Variants in GNG12 observed in about 807,000 individuals in gnomAD.
GNG12 encodes guanine nucleotide-binding protein G(I)/G(S)/G(O) subunit gamma-12.
For missense variants in GNG12, 69 were observed against 83.8 expected, an observed-to-expected ratio of 0.82 and a Z score of 0.69; for synonymous variants, 28 against 29.7, an observed-to-expected ratio of 0.94 and a Z score of 0.19.
chr1:67,775,686 G>A (rs2100760910), intron 2 of GNG12, among the ~76,000 whole-genome samples: 1 of 152,338 alleles, frequency 6.6e-6, no homozygotes, highest in Non-Finnish European at 1.5e-5. Context: ...TAAGAAGCTG[G>A]GAAGTGAGTA....
intron 2 of GNG12, among the ~76,000 whole-genome samples, chr1:67,746,295 A>G (rs1057101045): frequency 3.3e-5 from 5 of 152,224 alleles, no homozygotes; most frequent in African/African-American, 1.2e-4. Context: ...AGGCATAGTT[A>G]AGTTGATTCC....
intron 1 of GNG12, among the ~76,000 whole-genome samples, chr1:67,806,140 AAAG>A: frequency 6.6e-6 from 1 of 152,290 alleles, no homozygotes; most frequent in South Asian, 2.1e-4. Flanking sequence ...AGAAATGTTA[AAAG>A]AAGTTCTTCA....
At chr1:67,746,195 C>T (rs1445658043) in intron 2 of GNG12, among the ~76,000 whole-genome samples, 1 of 152,144 alleles carries the variant, frequency 6.6e-6, no homozygotes, top group Admixed American at 6.5e-5. Flanking sequence ...AGCAGGTCCA[C>T]AGACTTTCTA....
chr1:67,793,829 G>C (rs1369435365), intron 1 of GNG12, among the ~76,000 whole-genome samples: 1 of 152,158 alleles, frequency 6.6e-6, no homozygotes, highest in Non-Finnish European at 1.5e-5. Flanking sequence ...TCACTTTGTT[G>C]GGGAAGTATT....
intron 1 of GNG12, among the ~76,000 whole-genome samples, chr1:67,815,788 T>C (rs1480439622): frequency 6.6e-6 from 1 of 152,028 alleles, no homozygotes; most frequent in Admixed American, 6.5e-5. Flanking sequence ...ACTCCGTAAC[T>C]AGATGAGGAA....
chr1:67,828,339 G>A (rs1647022636), intron 1 of GNG12, among the ~76,000 whole-genome samples: 1 of 152,140 alleles, frequency 6.6e-6, no homozygotes, highest in Non-Finnish European at 1.5e-5. Context: ...TAGTTTTTAA[G>A]CAAAACTGAC....
intron 2 of GNG12, among the ~76,000 whole-genome samples, chr1:67,743,834 T>C (rs973641260): frequency 6.6e-6 from 1 of 152,220 alleles, no homozygotes; most frequent in Non-Finnish European, 1.5e-5. Flanking sequence ...TTTACAAGGA[T>C]ATTGGTCTTT....
At chr1:67,766,139 CA>C (rs1557610108) in intron 2 of GNG12, among the ~76,000 whole-genome samples, 2,464 of 147,866 alleles carry the variant, frequency 0.017, 69 homozygotes, top group African/African-American at 0.06. Flanking sequence ...CACACACACA[CA>C]CACACACACC....
intron 2 of GNG12, among the ~76,000 whole-genome samples, chr1:67,709,679 C>T (rs937658754): frequency 5.3e-5 from 8 of 150,366 alleles, no homozygotes; most frequent in African/African-American, 1.5e-4. Flanking sequence ...CTGCTCACAC[C>T]GAGTGGCCTG....
chr1:67,710,114 TTATATA>T (rs1177283416), intron 2 of GNG12, among the ~76,000 whole-genome samples: 2 of 12,270 alleles, frequency 1.6e-4, no homozygotes, highest in African/African-American at 2.5e-4. Context: ...ATATATATAG[TTATATA>T]TATAGTTATA....
rs373793107 is a variant in GNG12 at position 67,786,600 on chromosome 1, T to C, written c.-76-9093A>G. 9.4e-4 allele frequency among the ~76,000 whole-genome samples: 143 copies of C among 152,160 alleles called. 2 individuals carry two copies. In the South Asian group the frequency reaches 0.028, roughly 30 times the overall value. Reference sequence around the variant, plus strand: ...ACTATGTGTTTGGCAATGTGGAAGGTGGTAGAGACAAAACAGAGAACAAAA... The same window carrying C: ...ACTATGTGTTTGGCAATGTGGAAGGCGGTAGAGACAAAACAGAGAACAAAA... On this transcript the variant is annotated intron_variant, in intron 1 of 3. Coordinates refer to ENST00000370982, the MANE Select transcript of GNG12 (RefSeq NM_018841.6).
intron 2 of GNG12, among the ~76,000 whole-genome samples, chr1:67,764,307 G>C (rs967444796): frequency 3.9e-5 from 6 of 152,092 alleles, no homozygotes; most frequent in African/African-American, 1.4e-4. Flanking sequence ...AGGAGAAAGA[G>C]GTGGGGCATC....
chr1:67,732,954 G>A (rs2100701852), intron 2 of GNG12, among the ~76,000 whole-genome samples: 1 of 152,338 alleles, frequency 6.6e-6, no homozygotes, highest in East Asian at 1.9e-4. Context: ...TACATGGGAA[G>A]CTGAACCTTG....
intron 1 of GNG12, among the ~76,000 whole-genome samples, chr1:67,820,561 C>T (rs1350452870): frequency 6.6e-6 from 1 of 152,162 alleles, no homozygotes. Flanking sequence ...GACCACCTGG[C>T]GGATGCCTCA....
At chr1:67,799,707 T>TA (rs1250472858) in intron 1 of GNG12, among the ~76,000 whole-genome samples, 2 of 152,172 alleles carry the variant, frequency 1.3e-5, no homozygotes, top group African/African-American at 4.8e-5. Context: ...ACTGAGAAAT[T>TA]AAAAAATACT....
chr1:67,723,110 A>C (rs1197210927), intron 2 of GNG12, among the ~76,000 whole-genome samples: 1 of 152,208 alleles, frequency 6.6e-6, no homozygotes, highest in East Asian at 1.9e-4. Flanking sequence ...AGCAATTACA[A>C]TGCAAAAAAT....
chr1:67,707,568 T>C (rs376652206), intron 3 of GNG12, 26 bp downstream of exon 3: 4 of 1,169,744 alleles, frequency 3.4e-6, no homozygotes, highest in Admixed American at 1.8e-5. Context: ...GCAGAAAGCA[T>C]ATGTTATCCA....
intron 2 of GNG12, among the ~76,000 whole-genome samples, chr1:67,775,095 C>T (rs1305632498): frequency 6.6e-6 from 1 of 152,230 alleles, no homozygotes; most frequent in Non-Finnish European, 1.5e-5. Flanking sequence ...CAGGCTACTG[C>T]CCTTTTCGGA....
At chr1:67,740,434 T>C (rs1433789764) in intron 2 of GNG12, among the ~76,000 whole-genome samples, 2 of 152,248 alleles carry the variant, frequency 1.3e-5, no homozygotes, top group Non-Finnish European at 2.9e-5. Context: ...TGTTTATGTA[T>C]TACCCATGGC....
Sources: allele counts gnomAD v4.1 joint callset (sites outside exome capture counted in the v4.1 genomes callset), GRCh38; gene constraint gnomAD v4.1.1; transcripts MANE v1.5; gene names NCBI Gene and HGNC (gene_info 2026-07-23, HGNC 2026-07-21).